The following GGNBP2 variants were observed in gnomAD, a reference collection of about 807,000 sequenced individuals.
GGNBP2 encodes gametogenetin-binding protein 2.
Under a neutral mutation model 85.9 loss-of-function variants are expected in GGNBP2, and 10 were observed. The observed-to-expected ratio is 0.12, with a 90% confidence interval of 0.07 to 0.20. The LOEUF (loss-of-function observed/expected upper bound fraction) is 0.20. Ranked by LOEUF, GGNBP2 falls within the 10% of genes least tolerant of loss-of-function variation. GGNBP2 has a pLI of 1.00. For missense variants in GGNBP2, 595 were observed against 857.8 expected, an observed-to-expected ratio of 0.69 and a Z score of 3.83; for synonymous variants, 287 against 285.7, an observed-to-expected ratio of 1.00 and a Z score of -0.05.
intron 6 of GGNBP2, among the ~76,000 whole-genome samples, chr17:36,571,733 C>T (rs2074526891): frequency 6.6e-6 from 1 of 152,114 alleles, no homozygotes; most frequent in Non-Finnish European, 1.5e-5. Context: ...GTCCCAGCTA[C>T]TTGGGAGGCT....
intron 9 of GGNBP2, among the ~76,000 whole-genome samples, chr17:36,583,709 C>T (rs190954709): frequency 2.6e-5 from 4 of 152,194 alleles, no homozygotes; most frequent in African/African-American, 4.8e-5. Flanking sequence ...GCAGTCTGCC[C>T]GCTTCTGCCT....
intron 6 of GGNBP2, among the ~76,000 whole-genome samples, chr17:36,568,457 C>T (rs574470418): frequency 3.8e-4 from 58 of 152,084 alleles, no homozygotes; most frequent in Non-Finnish European, 7.2e-4. Context: ...CCACCACGCC[C>T]GGCTAATTTT....
chr17:36,561,437 G>A (rs1471404876), intron 5 of GGNBP2, among the ~76,000 whole-genome samples: 2 of 151,908 alleles, frequency 1.3e-5, no homozygotes, highest in Non-Finnish European at 2.9e-5. Flanking sequence ...AAGTCTTTAT[G>A]GAAATGTATG....
chr17:36,548,983 T>C (rs1277275182), intron 2 of GGNBP2, among the ~76,000 whole-genome samples: 1 of 152,146 alleles, frequency 6.6e-6, no homozygotes, highest in Admixed American at 6.5e-5. Context: ...TGATATGTTG[T>C]GTCCATGTTT....
At chr17:36,567,532 T>C in intron 5 of GGNBP2, 131 bp from the exon 6 acceptor site, 1 of 604,290 alleles carries the variant, frequency 1.7e-6, no homozygotes, top group Non-Finnish European at 3.0e-6. Flanking sequence ...AAGTATAGGA[T>C]CATTTTCCAT....
intron 5 of GGNBP2, among the ~76,000 whole-genome samples, chr17:36,561,821 C>T (rs2074419919): frequency 6.6e-6 from 1 of 152,084 alleles, no homozygotes; most frequent in African/African-American, 2.4e-5. Flanking sequence ...GACAGGGTTT[C>T]ACCGTGTTAG....
In GGNBP2 at chr17:36,557,098, A is replaced by G. The variant is rs1375192391; in HGVS notation, c.190A>G (p.Lys64Glu). The change falls in exon 4 of 14, where the codon AAG becomes GAG. Residue 64 changes from lysine (K) to glutamate (E), a missense_variant. Transcript: ENST00000613102. The stretch of plus-strand genomic sequence containing the variant: ...CCTCTTTCAGCGACATGGTATGCTT[A>G]AGCAACAGGATCTAAGTATTGCCAT... ...KQFIQRHGML[K>E]QQDLSIAMVV... 2 of 1,614,142 alleles carry G rather than the reference A, an allele frequency of 1.2e-6. No individual in the cohort carries two copies. Among genetic ancestry groups the G allele is most frequent in the Admixed American group, 3.3e-5 (2 of 60,000 alleles).
intron 5 of GGNBP2, among the ~76,000 whole-genome samples, chr17:36,566,394 T>C (rs2074468902): frequency 6.6e-6 from 1 of 152,038 alleles, no homozygotes; most frequent in Non-Finnish European, 1.5e-5. Context: ...GCTTGGTGGC[T>C]CACGCCTGTA....
At chr17:36,552,378 G>C (rs8078390) in intron 2 of GGNBP2, among the ~76,000 whole-genome samples, 58,298 of 151,994 alleles carry the variant, frequency 0.38, 11,589 homozygotes, top group Middle Eastern at 0.47. Context: ...TTTGAGTAGA[G>C]CATGTTAATT....
intron 5 of GGNBP2, among the ~76,000 whole-genome samples, chr17:36,567,252 A>G (rs777770746): frequency 1.5e-4 from 23 of 152,178 alleles, no homozygotes; most frequent in Non-Finnish European, 3.2e-4. Flanking sequence ...ATAGTCAAGC[A>G]GAAGTTTTTA....
intron 6 of GGNBP2, among the ~76,000 whole-genome samples, chr17:36,568,149 C>A (rs925235982): frequency 6.6e-6 from 1 of 152,158 alleles, no homozygotes; most frequent in Non-Finnish European, 1.5e-5. Flanking sequence ...TGGTTTAGAT[C>A]TGCTGACCTT....
In GGNBP2 at chr17:36,585,403, C is replaced by T; in HGVS notation, c.1319C>T (p.Thr440Ile). Residue 440 changes from threonine to isoleucine, a missense_variant, in exon 10 of 14, where the codon ACC becomes ATC. Thr to Ile is a moderately conservative substitution (Grantham distance 89, BLOSUM62 -1). Coordinates refer to ENST00000613102, the MANE Select transcript of GGNBP2 (RefSeq NM_024835.5). ...VIVTNENTSCTCPSSGNLLGS... is the reference protein window; with the variant it reads ...VIVTNENTSCICPSSGNLLGS... ...GTTACCAATGAAAATACATCATGTA[C>T]CTGTCCTAGCAGTGGCAATCTTTTG... 1 of 1,611,710 alleles carries T rather than the reference C, an allele frequency of 6.2e-7. No individual in the cohort carries two copies. The highest frequency in any genetic ancestry group is 1.1e-5 in the South Asian group (1 of 90,854).
chr17:36,578,209 A>G, intron 7 of GGNBP2, 23 bp downstream of exon 7: 1 of 1,576,182 alleles, frequency 6.3e-7, no homozygotes, highest in Non-Finnish European at 8.7e-7. Context: ...AATTTGCTAG[A>G]ATGGGCTATC....
intron 6 of GGNBP2, among the ~76,000 whole-genome samples, chr17:36,569,939 T>C (rs548261683): frequency 1.3e-5 from 2 of 152,234 alleles, no homozygotes; most frequent in Non-Finnish European, 2.9e-5. Flanking sequence ...ACAGATATCT[T>C]AACGGTTGTG....
chr17:36,545,490 G>A (rs554404869), intron 1 of GGNBP2, 129 bp from the exon 2 acceptor site: 23 of 436,952 alleles, frequency 5.3e-5, no homozygotes, highest in Non-Finnish European at 8.5e-5. Flanking sequence ...TTGGCTGAGC[G>A]TGTGTGGAAT....
chr17:36,559,995 T>A (rs1053268486), intron 4 of GGNBP2, among the ~76,000 whole-genome samples: 1 of 152,082 alleles, frequency 6.6e-6, no homozygotes, highest in African/African-American at 2.4e-5. Context: ...CCACCACACC[T>A]GTCTAATTTT....
chr17:36,576,571 AAAAAAAAAAAAAAAT>A (rs1376213179), intron 6 of GGNBP2: 2 of 24,578 alleles, frequency 8.1e-5, no homozygotes, highest in East Asian at 1.1e-3. Context: ...AAAAAAAAAA[AAAAAAAAAAAAAAAT>A]ATATATATAT....
At chr17:36,583,226 G>A (rs1226704084) in intron 9 of GGNBP2, among the ~76,000 whole-genome samples, 1 of 150,314 alleles carries the variant, frequency 6.7e-6, no homozygotes, top group African/African-American at 2.4e-5. Context: ...GCTAATTTTT[G>A]TATTTTTAGT....
At chr17:36,556,023 G>A (rs979156930) in intron 3 of GGNBP2, among the ~76,000 whole-genome samples, 1 of 152,188 alleles carries the variant, frequency 6.6e-6, no homozygotes, top group East Asian at 1.9e-4. Context: ...TGAATGGAAG[G>A]GTAATGGTAA....
Sources: gnomAD v4.1 joint callset for allele counts (sites outside exome capture counted in the v4.1 genomes callset) on GRCh38, gnomAD v4.1.1 for gene constraint, MANE v1.5 for transcripts, NCBI Gene and HGNC (gene_info 2026-07-23, HGNC 2026-07-21) for gene names.